Variants in BMPR1B observed in about 807,000 individuals in gnomAD.
BMPR1B encodes the protein bone morphogenetic protein receptor type 1B.
In BMPR1B, 12 loss-of-function variants were observed where a neutral mutation model predicts 59.1. The observed-to-expected ratio is 0.20, with a 90% CI of 0.13 to 0.33. The LOEUF (loss-of-function observed/expected upper bound fraction) is 0.33, where lower values mean the gene tolerates loss of function less well. BMPR1B is among the 10% of genes least tolerant of loss of function. The pLI is 1.00. For synonymous variants in BMPR1B, 237 were observed against 207.3 expected (o/e 1.14, Z -1.23); for missense variants, 550 against 610.9 (o/e 0.90, Z 1.05).
At chr4:95,096,956 A>G (rs181939748) in intron 3 of BMPR1B, among the ~76,000 whole-genome samples, 2 of 143,816 alleles carry the variant, frequency 1.4e-5, no homozygotes, top group East Asian at 2.0e-4. Flanking sequence ...CTAAAGTTAT[A>G]TAACTTTATT....
At position 94,900,686 on chromosome 4, in the gene BMPR1B, G is replaced by A. The variant is rs1449380173; in HGVS notation, c.-113+24786G>A. Among the ~76,000 whole-genome samples, 3 of 152,062 alleles carry A rather than the reference G, an allele frequency of 2.0e-5. No individual in the cohort carries two copies. The East Asian group carries it at 5.8e-4, about 29-fold the overall frequency. On this transcript the variant is annotated intron_variant, in intron 2 of 12. Transcript: ENST00000515059. The stretch of plus-strand genomic sequence containing the variant: ...AGAAGCTGTCTGTATTATTTGAATA[G>A]TCAGAATATCAAGTAGTAAGCAATT...
At chr4:95,051,704 G>T (rs1048643325) in intron 3 of BMPR1B, 48 of 1,535,508 alleles carry the variant, frequency 3.1e-5, no homozygotes, top group Non-Finnish European at 4.0e-5. Context: ...GCTGCAATGG[G>T]TTGGCTGGAA....
chr4:95,057,223 C>T (rs1277968413), intron 3 of BMPR1B, among the ~76,000 whole-genome samples: 1 of 152,086 alleles, frequency 6.6e-6, no homozygotes, highest in African/African-American at 2.4e-5. Context: ...TTTTGCTTAG[C>T]TCTGCAGAGT....
chr4:94,984,990 C>T (rs2149091442), intron 2 of BMPR1B, among the ~76,000 whole-genome samples: 1 of 152,256 alleles, frequency 6.6e-6, no homozygotes, highest in South Asian at 2.1e-4. Context: ...TAAAGGTTTA[C>T]AGAAGGTCAT....
chr4:94,807,227 T>G (rs1041359897), intron 1 of BMPR1B, among the ~76,000 whole-genome samples: 2 of 152,274 alleles, frequency 1.3e-5, no homozygotes, highest in East Asian at 1.9e-4. Context: ...CCCTGGTAGC[T>G]GGGACCACAG....
intron 1 of BMPR1B, among the ~76,000 whole-genome samples, chr4:94,778,684 A>G (rs994958061): frequency 1.3e-5 from 2 of 152,154 alleles, no homozygotes; most frequent in Non-Finnish European, 2.9e-5. Context: ...TCCATACTTA[A>G]TATTTTCAGA....
intron 2 of BMPR1B, among the ~76,000 whole-genome samples, chr4:94,976,136 A>G (rs1473284245): frequency 2.6e-5 from 4 of 152,192 alleles, no homozygotes; most frequent in African/African-American, 4.8e-5. Flanking sequence ...ATATAACCTC[A>G]GGGTCTGGCC....
chr4:95,004,831 C>A (rs1722710812), intron 3 of BMPR1B, among the ~76,000 whole-genome samples: 1 of 152,110 alleles, frequency 6.6e-6, no homozygotes, highest in Non-Finnish European at 1.5e-5. Flanking sequence ...TAGGACACAA[C>A]GTTCTACTGA....
chr4:94,794,378 A>C (rs905313735), intron 1 of BMPR1B, among the ~76,000 whole-genome samples: 1 of 151,316 alleles, frequency 6.6e-6, no homozygotes, highest in Non-Finnish European at 1.5e-5. Flanking sequence ...ATTGATCTAT[A>C]TCTCTGTTTT....
At chr4:94,872,722 A>G (rs148170031) in intron 1 of BMPR1B, among the ~76,000 whole-genome samples, 2 of 152,330 alleles carry the variant, frequency 1.3e-5, no homozygotes, top group Non-Finnish European at 2.9e-5. Flanking sequence ...TGTCTCAAAA[A>G]TAAACAATAA....
chr4:95,089,246 A>C (rs1242781431), intron 3 of BMPR1B, among the ~76,000 whole-genome samples: 1 of 152,162 alleles, frequency 6.6e-6, no homozygotes, highest in Non-Finnish European at 1.5e-5. Context: ...AAATACAGAA[A>C]TATCTGAAGA....
chr4:95,097,010 G>A (rs12644367), intron 3 of BMPR1B, among the ~76,000 whole-genome samples: 102,062 of 142,984 alleles, frequency 0.71, 36,569 homozygotes, highest in Middle Eastern at 0.77. Flanking sequence ...GATATAAATT[G>A]TATATTATAT....
intron 4 of BMPR1B, among the ~76,000 whole-genome samples, chr4:95,108,282 G>T (rs1731337066): frequency 6.6e-6 from 1 of 152,016 alleles, no homozygotes; most frequent in Non-Finnish European, 1.5e-5. Flanking sequence ...GCTACACTAA[G>T]TATTACCCTT....
intron 3 of BMPR1B, among the ~76,000 whole-genome samples, chr4:95,077,911 T>A (rs1728831909): frequency 6.6e-6 from 1 of 152,188 alleles, no homozygotes; most frequent in Admixed American, 6.5e-5. Context: ...ATAAAGTGAA[T>A]TGAATATGGC....
At chr4:94,885,198 C>T (rs933614721) in intron 2 of BMPR1B, among the ~76,000 whole-genome samples, 8 of 152,162 alleles carry the variant, frequency 5.3e-5, no homozygotes, top group Non-Finnish European at 1.0e-4. Context: ...TCCATAGACT[C>T]ATGAGCAATT....
Position 95,104,249 on chromosome 4 carries a change from C to G in BMPR1B, c.-17-159C>G. ...TATGAGGTGTATACTAGGTAAAAGA[C>G]ATGATTTTAATCAAAATACCAAAAT... On this transcript the variant is annotated intron_variant, in intron 3 of 12. Coordinates refer to ENST00000515059, the MANE Select transcript of BMPR1B (RefSeq NM_001203.3). 3 of 834,154 alleles carry G rather than the reference C, an allele frequency of 3.6e-6. No individual in the cohort carries two copies. In the South Asian group the frequency reaches 5.4e-5, roughly 15 times the overall value. The allele number at this position is 834,154 out of a possible 1,614,324, so 51.7% of individuals were successfully genotyped here. A position where few individuals can be genotyped will look rare whatever the true frequency, so the allele number is the denominator to read the frequency against.
chr4:95,134,993 A>G (rs999352738), intron 10 of BMPR1B, among the ~76,000 whole-genome samples: 1 of 152,194 alleles, frequency 6.6e-6, no homozygotes, highest in Non-Finnish European at 1.5e-5. Context: ...TTATGGTTTT[A>G]GGTCTCACAT....
rs556568346 is a variant in BMPR1B, at chr4:95,136,131, T to C, written c.1076+4619T>C. On this transcript the variant is annotated intron_variant, in intron 10 of 12. Transcript: ENST00000515059. ...ATCTATTGAGATGATCATGTGGTTT[T>C]TGTCTTTGCTAGGCAATAATTAATA... 9.2e-5 allele frequency among the ~76,000 whole-genome samples: 14 copies of C among 152,308 alleles called. No homozygotes were observed. In the East Asian group the frequency reaches 2.7e-3, roughly 29 times the overall value.
intron 1 of BMPR1B, among the ~76,000 whole-genome samples, chr4:94,798,423 C>A (rs1217281367): frequency 6.6e-6 from 1 of 152,208 alleles, no homozygotes; most frequent in African/African-American, 2.4e-5. Flanking sequence ...ATAAAGTAGC[C>A]TGATGTGGTG....
Sources: gnomAD v4.1 joint callset for allele counts (sites outside exome capture counted in the v4.1 genomes callset) on GRCh38, gnomAD v4.1.1 for gene constraint, MANE v1.5 for transcripts, NCBI Gene and HGNC (gene_info 2026-07-23, HGNC 2026-07-21) for gene names.